FAM120C: variants seen among roughly 807,000 people sequenced by gnomAD.
FAM120C encodes family with sequence similarity 120 member C, also known as constitutive coactivator of PPAR-gamma-like protein 2.
FAM120C carries 14 observed loss-of-function variants against 71.2 expected under a neutral mutation model. The observed-to-expected ratio is 0.20, with a 90% CI of 0.13 to 0.31. The LOEUF is 0.31. FAM120C is among the 10% of genes least tolerant of loss of function. The pLI, the probability that FAM120C is intolerant of heterozygous loss-of-function variation, is 1.00. For missense variants in FAM120C, 500 were observed against 879.0 expected, an observed-to-expected ratio of 0.57 and a Z score of 5.45; for synonymous variants, 354 against 353.2, an observed-to-expected ratio of 1.00 and a Z score of -0.03.
Position 54,134,709 on chromosome X carries a change from G to A in FAM120C, c.1616+122C>T, listed in dbSNP as rs187009437. 146 of 761,288 alleles carry A rather than the reference G, an allele frequency of 1.9e-4. No individual in the cohort carries two copies. In the African/African-American group the frequency reaches 2.9e-3, roughly 15 times the overall value. 62.7% of individuals were successfully genotyped at this position (761,288 alleles called of 1,213,427 possible). On this transcript the variant is annotated intron_variant, in intron 7 of 15. Transcript: ENST00000375180. ...ACGTTTTCCTACTTTGCTTTCCTAAGAGCAAAACACTACAGAGGAAACCCA... is the reference window on the plus strand; with the variant it reads ...ACGTTTTCCTACTTTGCTTTCCTAAAAGCAAAACACTACAGAGGAAACCCA...
intron 1 of FAM120C, among the ~76,000 whole-genome samples, chrX:54,170,646 A>G: frequency 8.9e-6 from 1 of 112,169 alleles, no homozygotes; most frequent in East Asian, 2.8e-4. Flanking sequence ...CCTATGATCA[A>G]AGTTTGTGGG....
intron 4 of FAM120C, among the ~76,000 whole-genome samples, chrX:54,148,224 T>TA (rs1484103659): frequency 9.0e-6 from 1 of 110,646 alleles, no homozygotes; most frequent in African/African-American, 3.3e-5. Context: ...AGAGCACTCA[T>TA]ATGCATTATA....
intron 1 of FAM120C, among the ~76,000 whole-genome samples, chrX:54,176,642 T>C (rs1436456993): frequency 1.8e-5 from 2 of 110,823 alleles, no homozygotes; most frequent in South Asian, 3.8e-4. Context: ...GTAAAAGGAG[T>C]TTGGCAATTC....
intron 12 of FAM120C, among the ~76,000 whole-genome samples, chrX:54,086,754 C>CAAAAA (rs60485302): frequency 8.6e-5 from 5 of 58,010 alleles, no homozygotes; most frequent in Non-Finnish European, 8.8e-5. Context: ...GAATCTGTCT[C>CAAAAA]AAAAAAAAAA....
At chrX:54,104,795 G>A (rs1277336241) in intron 10 of FAM120C, among the ~76,000 whole-genome samples, 2 of 108,341 alleles carry the variant, frequency 1.8e-5, no homozygotes, top group South Asian at 4.2e-4. Flanking sequence ...GCAACCGAGC[G>A]AGACTCTGTC....
chrX:54,130,443 CT>C (rs1488115667), intron 9 of FAM120C, among the ~76,000 whole-genome samples: 1 of 111,478 alleles, frequency 9.0e-6, no homozygotes, highest in African/African-American at 3.3e-5. Context: ...AATTTGTTAT[CT>C]TTCTGGTTCT....
intron 10 of FAM120C, among the ~76,000 whole-genome samples, chrX:54,110,041 G>T (rs1279944310): frequency 1.2e-5 from 1 of 86,851 alleles, no homozygotes; most frequent in African/African-American, 4.3e-5. Context: ...TTCTGAGATG[G>T]ATTCTCGCTC....
chrX:54,136,629 TGA>T (rs1569532874), intron 4 of FAM120C, 39 bp from the exon 5 acceptor site: 3 of 922,693 alleles, frequency 3.3e-6, no homozygotes, highest in Admixed American at 2.3e-5. Context: ...AGAAAAAACA[TGA>T]GAGTGTTTTT....
At position 54,182,647 on chromosome X, in the gene FAM120C, G is replaced by A; in HGVS notation, c.552C>T (p.Gly184=). 8.3e-7 allele frequency: 1 copy of A among 1,206,508 alleles called. No individual in the cohort carries two copies. The highest frequency in any genetic ancestry group is 1.1e-6 in the Non-Finnish European group (1 of 893,753). Residue 184 remains glycine (G), a synonymous_variant, in exon 1 of 16, where the codon GGC becomes GGT. Coordinates refer to ENST00000375180, the MANE Select transcript of FAM120C (RefSeq NM_017848.6). ...GLGKDRLAEW[G]RRCQAERQTA... ...TCTGCCGCTCGGCCTGGCACCGACG[G>A]CCCCACTCGGCCAGCCGGTCCTTGC...
At chrX:54,095,429 T>C (rs1200761002) in intron 10 of FAM120C, among the ~76,000 whole-genome samples, 5 of 105,488 alleles carry the variant, frequency 4.7e-5, no homozygotes, top group Non-Finnish European at 7.8e-5. Context: ...GTATTGAGTA[T>C]TGATCTCCCA....
At chrX:54,140,272 G>A (rs2067117665) in intron 4 of FAM120C, among the ~76,000 whole-genome samples, 1 of 102,791 alleles carries the variant, frequency 9.7e-6, no homozygotes, top group African/African-American at 3.6e-5. Flanking sequence ...CTCCAGCCTG[G>A]GTGACAGAGA....
At chrX:54,089,195 G>A (rs6611528) in intron 11 of FAM120C, among the ~76,000 whole-genome samples, 1 of 111,651 alleles carries the variant, frequency 9.0e-6, no homozygotes, top group African/African-American at 3.3e-5. Context: ...ACATCCATAT[G>A]ATAAAATACT....
At chrX:54,111,572 T>TA (rs2066937623) in intron 10 of FAM120C, among the ~76,000 whole-genome samples, 1 of 109,382 alleles carries the variant, frequency 9.1e-6, no homozygotes. Flanking sequence ...GGAATATATT[T>TA]AACCAAGGAG....
Position 54,116,594 on chromosome X carries a change from T to C in FAM120C, c.2263A>G (p.Asn755Asp). ...AGATGGGTGGGGACATTAGCTGGAT[T>C]GAGCATACTGGGCGTGTCCGACTTC... The part of the protein sequence containing the change: ...CMKSDTPSML[N>D]PANVPTHLLL... Residue 755 changes from asparagine (N) to aspartate (D), a missense_variant, in exon 10 of 16, where the codon AAT becomes GAT. Physicochemically the swap from Asn to Asp is conservative, Grantham distance 23 (BLOSUM62 1). Transcript: ENST00000375180. The C allele has an allele frequency of 8.3e-7, 1 of 1,211,659 alleles. No homozygotes were observed. The highest frequency in any genetic ancestry group is 1.1e-6 in the Non-Finnish European group (1 of 895,402).
At chrX:54,173,499 C>T (rs782186704) in intron 1 of FAM120C, among the ~76,000 whole-genome samples, 5 of 112,445 alleles carry the variant, frequency 4.4e-5, no homozygotes, top group African/African-American at 1.3e-4. Flanking sequence ...CCGCCTGCCT[C>T]GGCCTCCCAA....
chrX:54,094,102 T>TC (rs1448869472), intron 10 of FAM120C, among the ~76,000 whole-genome samples: 1 of 95,038 alleles, frequency 1.1e-5, no homozygotes, highest in African/African-American at 3.8e-5. Context: ...TTTTTTTTTT[T>TC]TTTTCTGAGA....
At chrX:54,132,160 A>G (rs1331857034) in intron 9 of FAM120C, among the ~76,000 whole-genome samples, 4 of 109,916 alleles carry the variant, frequency 3.6e-5, no homozygotes, top group African/African-American at 1.3e-4. Flanking sequence ...GACTCAATCA[A>G]TTCTCCCATC....
chrX:54,078,674 G>A lies in FAM120C; in HGVS notation c.3036+1558C>T, dbSNP rs146367612. Among the ~76,000 whole-genome samples the A allele has an allele frequency of 1.7e-4, 19 of 111,493 alleles. No homozygotes were observed. In the East Asian group the frequency reaches 5.1e-3, roughly 30 times the overall value. On this transcript the variant is annotated intron_variant, in intron 15 of 15. Coordinates refer to ENST00000375180, the MANE Select transcript of FAM120C (RefSeq NM_017848.6). ...CAGGATTACAGACTACATGTAGAAT[G>A]TCTAGAGGGGGCTTGGTAGAAAGTA...
intron 13 of FAM120C, 130 bp from the exon 14 acceptor site, chrX:54,081,590 T>G: frequency 4.7e-6 from 3 of 644,727 alleles, no homozygotes; most frequent in Non-Finnish European, 4.6e-6. Flanking sequence ...CTAGCCAACA[T>G]GGTGAAACCC....
Sources: gnomAD v4.1 joint callset for allele counts (sites outside exome capture counted in the v4.1 genomes callset) on GRCh38, gnomAD v4.1.1 for gene constraint, MANE v1.5 for transcripts, NCBI Gene and HGNC (gene_info 2026-07-23, HGNC 2026-07-21) for gene names.